Variants in MPDZ observed in about 807,000 individuals in gnomAD.
MPDZ encodes the protein multiple PDZ domain crumbs cell polarity complex component, also known as multiple PDZ domain protein.
MPDZ carries 234 observed loss-of-function variants against 239.1 expected under a neutral mutation model. That is an observed-to-expected ratio of 0.98 (90% CI 0.88 to 1.09). MPDZ has a LOEUF of 1.09. Ranked by LOEUF, MPDZ falls within the 50% of genes least tolerant of loss-of-function variation. The pLI is 0.00. For synonymous variants in MPDZ, 1,048 were observed against 881.3 expected (o/e 1.19, Z -3.35); for missense variants, 3,175 against 2,510.0 (o/e 1.26, Z -5.66).
intron 1 of MPDZ, among the ~76,000 whole-genome samples, chr9:13,257,610 T>C (rs1969745583): frequency 6.6e-6 from 1 of 152,224 alleles, no homozygotes; most frequent in South Asian, 2.1e-4. Flanking sequence ...TGTATGTTTA[T>C]AGAAGCATAG....
intron 3 of MPDZ, among the ~76,000 whole-genome samples, chr9:13,236,686 C>A (rs1964129500): frequency 6.6e-6 from 1 of 151,888 alleles, no homozygotes; most frequent in Non-Finnish European, 1.5e-5. Flanking sequence ...ACTCCCACTT[C>A]CCCAAATTTC....
intron 7 of MPDZ, among the ~76,000 whole-genome samples, chr9:13,220,404 T>A (rs1334770737): frequency 6.6e-6 from 1 of 152,004 alleles, no homozygotes; most frequent in Non-Finnish European, 1.5e-5. Context: ...ATGTGGCTAG[T>A]CCAACTGAGA....
At chr9:13,113,749 T>C (rs1443676875) in intron 41 of MPDZ, among the ~76,000 whole-genome samples, 182 bp downstream of exon 41, 1 of 152,186 alleles carries the variant, frequency 6.6e-6, no homozygotes, top group Non-Finnish European at 1.5e-5. Context: ...AAACATCAAA[T>C]GGGAAAAGCT....
intron 10 of MPDZ, among the ~76,000 whole-genome samples, chr9:13,214,118 G>A (rs1302576871): frequency 3.3e-5 from 5 of 151,984 alleles, no homozygotes; most frequent in South Asian, 2.1e-4. Flanking sequence ...AAGCTTGTAC[G>A]TGAATGTTCA....
chr9:13,119,611 C>T lies in MPDZ; in HGVS notation c.5270G>A (p.Gly1757Glu). ...TGVFVSDIVK[G>E]GIADADGRLM... ...TCTTCCATCGGCATCTGCAATTCCT[C>T]CTTTGACAATGTCTGACACAAATAC... The change falls in exon 39 of 47, where the codon GGA (glycine) becomes GAA (glutamate). Residue 1757 changes from glycine to glutamate, a missense_variant. Coordinates refer to ENST00000319217, the MANE Select transcript of MPDZ (RefSeq NM_001378778.1). 6.2e-7 allele frequency: 1 copy of T among 1,614,010 alleles called. No individual in the cohort carries two copies. Among genetic ancestry groups the T allele is most frequent in the Non-Finnish European group, 8.5e-7 (1 of 1,179,882 alleles).
intron 10 of MPDZ, among the ~76,000 whole-genome samples, chr9:13,211,728 C>T (rs1268079883): frequency 1.3e-5 from 2 of 152,052 alleles, no homozygotes; most frequent in East Asian, 3.9e-4. Flanking sequence ...AACAGACCTA[C>T]ATGTGCTTAC....
chr9:13,267,211 C>T (rs2139065558), intron 1 of MPDZ, among the ~76,000 whole-genome samples: 1 of 152,314 alleles, frequency 6.6e-6, no homozygotes, highest in African/African-American at 2.4e-5. Context: ...AAATAGGCTA[C>T]ATAAGTAAAT....
rs1212295145 is a variant in MPDZ at position 13,250,350 on chromosome 9, T to A, written c.-35A>T. On this transcript the variant is annotated 5_prime_UTR_variant, in exon 2 of 47. Transcript: ENST00000319217. ...AGTTCAGTGTTCTTCTCTGAAATGATTAACAGCAATTAAAATGGAACTCTG... is the reference window on the plus strand; with the variant it reads ...AGTTCAGTGTTCTTCTCTGAAATGAATAACAGCAATTAAAATGGAACTCTG... The A allele has an allele frequency of 5.1e-6, 8 of 1,559,768 alleles. No individual in the cohort carries two copies. Among genetic ancestry groups the A allele is most frequent in the Non-Finnish European group, 6.1e-6 (7 of 1,147,406 alleles).
Position 13,202,624 on chromosome 9 carries a change from G to A in MPDZ, c.1546+2412C>T, listed in dbSNP as rs534417729. ...CTCCTGGAACTCCCAGTGGTTCATA[G>A]GAATGGGACCTAGGTGGATTTCCAG... On this transcript the variant is annotated intron_variant, in intron 12 of 46. Transcript: ENST00000319217. Among the ~76,000 whole-genome samples, 3 of 152,290 alleles carry A rather than the reference G, an allele frequency of 2.0e-5. No homozygotes were observed. The South Asian group carries it at 6.2e-4, about 32-fold the overall frequency.
At chr9:13,276,638 C>G (rs1974271570) in intron 1 of MPDZ, 1 of 152,190 alleles carries the variant, frequency 6.6e-6, no homozygotes, top group African/African-American at 2.4e-5. Flanking sequence ...TAGGATCTTT[C>G]TCTGGCAGAT....
chr9:13,194,102 T>C (rs1033770239), intron 13 of MPDZ, among the ~76,000 whole-genome samples: 2 of 152,136 alleles, frequency 1.3e-5, no homozygotes, highest in Non-Finnish European at 2.9e-5. Flanking sequence ...TAATGTCCAT[T>C]AGTCAGTCCT....
chr9:13,278,889 C>A (rs1974885371), intron 1 of MPDZ: 1 of 152,272 alleles, frequency 6.6e-6, no homozygotes, highest in East Asian at 2.0e-4. Flanking sequence ...CCGGGAGCGG[C>A]CCCTGCAGGG....
chr9:13,107,239 GGGT>G, intron 46 of MPDZ, 128 bp from the exon 47 acceptor site: 1 of 991,914 alleles, frequency 1.0e-6, no homozygotes, highest in South Asian at 2.3e-5. Context: ...AGTGCTCCAT[GGGT>G]GCTCTAAGCC....
intron 26 of MPDZ, among the ~76,000 whole-genome samples, chr9:13,144,128 G>C (rs573523282): frequency 1.3e-5 from 2 of 152,004 alleles, no homozygotes; most frequent in Non-Finnish European, 2.9e-5. Flanking sequence ...TAAAAAAACA[G>C]TAATTTATTA....
Position 13,190,296 on chromosome 9 carries a change from G to A in MPDZ, c.1972C>T (p.His658Tyr), listed in dbSNP as rs368581522. The change falls in exon 16 of 47, where the codon CAC (histidine) becomes TAC (tyrosine). Residue 658 changes from histidine (H) to tyrosine (Y), a missense_variant. His to Tyr is a moderately conservative substitution (Grantham distance 83). Coordinates refer to ENST00000319217, the MANE Select transcript of MPDZ (RefSeq NM_001378778.1). The stretch of plus-strand genomic sequence containing the variant: ...CCGATGAACTCACCTAGATCTACGT[G>A]AGGCTGGATAATATCAGACAGCTCT... ...LCDIELTEKP[H>Y]VDLGEFIGSS... is the part of the protein sequence containing the mutation. 1.9e-6 allele frequency: 3 copies of A among 1,566,674 alleles called. No individual in the cohort carries two copies. The highest frequency in any genetic ancestry group is 1.7e-4 in the Middle Eastern group (1 of 5,874).
At chr9:13,235,577 T>C (rs146345058) in intron 3 of MPDZ, among the ~76,000 whole-genome samples, 121 of 152,264 alleles carry the variant, frequency 7.9e-4, no homozygotes, top group African/African-American at 2.7e-3. Flanking sequence ...TACCAAAACA[T>C]AGTGATTGAG....
chr9:13,113,934 C>A lies in MPDZ; in HGVS notation c.5554G>T (p.Ala1852Ser). The change falls in exon 41 of 47, where the codon GCA becomes TCA. Residue 1852 changes from alanine to serine, a missense_variant. By Grantham distance (99) the Ala-to-Ser change is moderately conservative. Transcript: ENST00000319217. ...TAAAATACTGAACCAATCTTACATGCATTCTTCTTTGAGCTACTTTCCAGT... is the reference window on the plus strand; with the variant it reads ...TAAAATACTGAACCAATCTTACATGAATTCTTCTTTGAGCTACTTTCCAGT... ...ESLESSSKKN[A>S]LASEIQGLRT... The A allele has an allele frequency of 1.3e-6, 2 of 1,585,368 alleles. No homozygotes were observed. The highest frequency in any genetic ancestry group is 1.7e-6 in the Non-Finnish European group (2 of 1,164,348).
chr9:13,117,868 G>A (rs1178719632), intron 39 of MPDZ, among the ~76,000 whole-genome samples: 1 of 145,370 alleles, frequency 6.9e-6, no homozygotes, highest in Non-Finnish European at 1.5e-5. Context: ...TTTTGAGATG[G>A]AGTTTCACTC....
At chr9:13,253,819 C>A (rs1968729347) in intron 1 of MPDZ, among the ~76,000 whole-genome samples, 1 of 152,178 alleles carries the variant, frequency 6.6e-6, no homozygotes, top group Non-Finnish European at 1.5e-5. Context: ...GAAGCAGAAG[C>A]AGCAATGATA....
Sources: gnomAD v4.1 joint callset for allele counts (sites outside exome capture counted in the v4.1 genomes callset) on GRCh38, gnomAD v4.1.1 for gene constraint, MANE v1.5 for transcripts, NCBI Gene and HGNC (gene_info 2026-07-23, HGNC 2026-07-21) for gene names.